Variants in TDRD12 observed in about 807,000 individuals in gnomAD.
TDRD12 encodes tudor domain containing 12.
A neutral mutation model predicts 133.5 loss-of-function variants in TDRD12; 158 were observed. The ratio of observed to expected loss-of-function variants is 1.18; its 90% CI spans 1.04 to 1.35. TDRD12 has a LOEUF of 1.35. TDRD12 is among the 40% of genes most tolerant of loss of function. The probability of loss-of-function intolerance (pLI) is 0.00; values close to 1 mark genes in which losing one functional copy is unlikely to be tolerated. For missense variants in TDRD12, 1,443 were observed against 1,321.3 expected (o/e 1.09, Z -1.43); for synonymous variants, 460 against 477.9 (o/e 0.96, Z 0.49).
intron 6 of TDRD12, among the ~76,000 whole-genome samples, chr19:32,753,431 G>A (rs1969894773): frequency 1.3e-5 from 2 of 151,926 alleles, no homozygotes; most frequent in African/African-American, 2.4e-5. Flanking sequence ...TTGAACTCCT[G>A]GGCTCAAGTG....
chr19:32,731,699 C>T (rs539402868), intron 1 of TDRD12, 26 bp from the exon 2 acceptor site: 96 of 1,521,098 alleles, frequency 6.3e-5, no homozygotes, highest in South Asian at 5.0e-4. Flanking sequence ...ATACGCTGTT[C>T]TGTTTGTCTT....
chr19:32,759,431 G>A (rs1183275175), intron 8 of TDRD12, among the ~76,000 whole-genome samples: 1 of 150,410 alleles, frequency 6.6e-6, no homozygotes, highest in African/African-American at 2.4e-5. Flanking sequence ...TTTTTTTTGA[G>A]ACGGGGTCTT....
At chr19:32,813,310 C>G (rs1334300012) in intron 24 of TDRD12, among the ~76,000 whole-genome samples, 2 of 152,244 alleles carry the variant, frequency 1.3e-5, no homozygotes, top group African/African-American at 4.8e-5. Flanking sequence ...GAACAACTTT[C>G]ACTTCACTTT....
At chr19:32,803,184 T>G in intron 21 of TDRD12, 42 bp downstream of exon 21, 1 of 1,332,038 alleles carries the variant, frequency 7.5e-7, no homozygotes. Flanking sequence ...ATGTATAACC[T>G]GCAGTAAGGT....
intron 27 of TDRD12, among the ~76,000 whole-genome samples, chr19:32,818,605 C>A (rs1401774917): frequency 1.3e-5 from 2 of 152,176 alleles, no homozygotes; most frequent in African/African-American, 4.8e-5. Flanking sequence ...CTAGAGCTGA[C>A]GGGGCTCCAG....
intron 8 of TDRD12, among the ~76,000 whole-genome samples, chr19:32,757,745 C>T (rs564374311): frequency 3.9e-5 from 6 of 152,282 alleles, no homozygotes; most frequent in Admixed American, 3.9e-4. Flanking sequence ...ATTTGAGGGG[C>T]TGCTGTACTT....
chr19:32,813,983 A>G (rs2145736801), intron 25 of TDRD12, among the ~76,000 whole-genome samples: 1 of 152,130 alleles, frequency 6.6e-6, no homozygotes, highest in East Asian at 1.9e-4. Flanking sequence ...TTACATTGTA[A>G]CCCCAGCGCA....
chr19:32,771,632 C>T (rs1171941163), intron 8 of TDRD12, among the ~76,000 whole-genome samples: 7 of 149,590 alleles, frequency 4.7e-5, no homozygotes, highest in African/African-American at 7.4e-5. Flanking sequence ...AACTACTTTG[C>T]GGACTTAGTG....
downstream of TDRD12, among the ~76,000 whole-genome samples, chr19:32,825,917 A>G (rs1249387695): frequency 6.6e-6 from 1 of 152,136 alleles, no homozygotes; most frequent in East Asian, 1.9e-4. The surrounding 1 kb of genome is among the most constrained non-coding windows in gnomAD (Gnocchi z 4.1). Context: ...TACCTATGTG[A>G]TGGTTTTAAT....
chr19:32,825,771 C>G (rs1411400072), downstream of TDRD12, among the ~76,000 whole-genome samples: 1 of 152,088 alleles, frequency 6.6e-6, no homozygotes, highest in Non-Finnish European at 1.5e-5. This position sits in a 1 kb window ranked among gnomAD's most constrained non-coding sequence, Gnocchi z 4.1. Context: ...ATCCCAGCTA[C>G]TTGGTAGGCT....
intron 11 of TDRD12, among the ~76,000 whole-genome samples, chr19:32,783,337 AC>A (rs1568475773): frequency 6.6e-6 from 1 of 152,080 alleles, no homozygotes; most frequent in Non-Finnish European, 1.5e-5. Flanking sequence ...CTGTTTTGGT[AC>A]CAGTGCCATG....
chr19:32,796,970 G>A (rs907180924), intron 14 of TDRD12, among the ~76,000 whole-genome samples: 1 of 150,788 alleles, frequency 6.6e-6, no homozygotes, highest in Admixed American at 6.6e-5. Flanking sequence ...TCCTAAGGAA[G>A]AGAGGTTCGT....
chr19:32,722,101 G>T (rs1337324977), intron 1 of TDRD12, among the ~76,000 whole-genome samples: 1 of 152,174 alleles, frequency 6.6e-6, no homozygotes, highest in Non-Finnish European at 1.5e-5. Context: ...AATGTTTGAG[G>T]AAGCTGACTC....
At chr19:32,793,793 CTT>C (rs766973591) in intron 13 of TDRD12, among the ~76,000 whole-genome samples, 25 of 116,084 alleles carry the variant, frequency 2.2e-4, no homozygotes, top group Admixed American at 2.9e-4. Context: ...AAGCAAGAAT[CTT>C]TTTTTTTTTT....
At chr19:32,808,852 G>C (rs981454191) in intron 22 of TDRD12, among the ~76,000 whole-genome samples, 1 of 152,130 alleles carries the variant, frequency 6.6e-6, no homozygotes, top group Non-Finnish European at 1.5e-5. Flanking sequence ...GAAGGTTATA[G>C]TTTTGATCTG....
chr19:32,765,528 G>T (rs1455879896), intron 8 of TDRD12, among the ~76,000 whole-genome samples: 1 of 152,142 alleles, frequency 6.6e-6, no homozygotes, highest in Admixed American at 6.5e-5. Flanking sequence ...AGAAAATGTG[G>T]CACATATACA....
At chr19:32,739,741 T>G (rs549093709) in intron 3 of TDRD12, among the ~76,000 whole-genome samples, 2 of 143,280 alleles carry the variant, frequency 1.4e-5, no homozygotes, top group East Asian at 4.4e-4. Flanking sequence ...GGGTGCTGTC[T>G]GCATCTCCTG....
chr19:32,786,526 T>G (rs988246833), intron 11 of TDRD12, among the ~76,000 whole-genome samples: 1 of 152,238 alleles, frequency 6.6e-6, no homozygotes, highest in African/African-American at 2.4e-5. Context: ...GTTTTCTAAC[T>G]TGGCACCATT....
At chr19:32,816,945 G>A (rs1967200286) in intron 26 of TDRD12, among the ~76,000 whole-genome samples, 1 of 152,144 alleles carries the variant, frequency 6.6e-6, no homozygotes, top group South Asian at 2.1e-4. Context: ...GAAAGCCCAG[G>A]GAGTAACACC....
Sources: gnomAD v4.1 joint callset for allele counts (sites outside exome capture counted in the v4.1 genomes callset) on GRCh38, gnomAD v4.1.1 for gene constraint, Gnocchi (gnomAD v3.1) non-coding constraint, MANE v1.5 for transcripts, NCBI Gene and HGNC (gene_info 2026-07-23, HGNC 2026-07-21) for gene names.